USP9X: variants seen among roughly 807,000 people sequenced by gnomAD.
USP9X encodes ubiquitin carboxyl-terminal hydrolase 9X.
Under a neutral mutation model 190.3 loss-of-function variants are expected in USP9X, and 7 were observed. The observed-to-expected ratio is 0.04, with a 90% CI of 0.02 to 0.07. The LOEUF is 0.07. Among genes scored for constraint, USP9X ranks in the 10% least tolerant of loss-of-function variants. The pLI, the probability that USP9X is intolerant of heterozygous loss-of-function variation, is 1.00. For missense variants in USP9X, 1,010 were observed against 1,916.9 expected (o/e 0.53, Z 8.83); for synonymous variants, 645 against 659.5 (o/e 0.98, Z 0.34).
intron 2 of USP9X, among the ~76,000 whole-genome samples, chrX:41,127,462 T>G (rs1479145772): frequency 8.9e-6 from 1 of 112,319 alleles, no homozygotes; most frequent in African/African-American, 3.2e-5. Flanking sequence ...TAAATTTTAT[T>G]TTTTATATTT....
chrX:41,205,196 A>G (rs1198250602), intron 31 of USP9X, 107 bp from the exon 32 acceptor site: 7 of 598,601 alleles, frequency 1.2e-5, no homozygotes, highest in Non-Finnish European at 1.7e-5. Flanking sequence ...AGTGCTTTGG[A>G]AATGAGCATA....
intron 32 of USP9X, among the ~76,000 whole-genome samples, chrX:41,207,334 C>T (rs994159712): frequency 2.7e-5 from 3 of 109,838 alleles, no homozygotes; most frequent in Admixed American, 1.9e-4. Context: ...ATCCACCCGC[C>T]TCGGCCTCCC....
intron 26 of USP9X, among the ~76,000 whole-genome samples, chrX:41,193,613 C>G (rs2062956629): frequency 8.9e-6 from 1 of 111,766 alleles, no homozygotes; most frequent in African/African-American, 3.3e-5. Context: ...ACTGTGAGCC[C>G]TGATCGTGCC....
intron 11 of USP9X, among the ~76,000 whole-genome samples, 186 bp from the exon 12 acceptor site, chrX:41,148,183 C>CT (rs1406389067): frequency 9.0e-6 from 1 of 110,898 alleles, no homozygotes; most frequent in Non-Finnish European, 1.9e-5. Context: ...ATTTATTTTT[C>CT]TTTTTTGGAA....
chrX:41,195,054 T>TTTTTTTTTTTTTTTTG, intron 26 of USP9X, among the ~76,000 whole-genome samples: 3 of 109,411 alleles, frequency 2.7e-5, no homozygotes, highest in Admixed American at 9.9e-5. Context: ...TTCTTTTTTT[T>TTTTTTTTTTTTTTTTG]GGAGATGGAT....
intron 3 of USP9X, 25 bp from the exon 4 acceptor site, chrX:41,131,432 T>C: frequency 8.4e-7 from 1 of 1,189,450 alleles, no homozygotes; most frequent in African/African-American, 1.7e-5. Context: ...CCATTAAGCA[T>C]GTTTTTGTTT....
chrX:41,190,307 G>A (rs181071182), intron 26 of USP9X, among the ~76,000 whole-genome samples: 1 of 111,040 alleles, frequency 9.0e-6, no homozygotes, highest in East Asian at 2.8e-4. Flanking sequence ...GCCCACTCGA[G>A]AGGATGTAGA....
Position 41,215,950 on chromosome X carries a change from A to G in USP9X, c.5383A>G (p.Ile1795Val), listed in dbSNP as rs1325616456. 8.3e-7 allele frequency: 1 copy of G among 1,210,764 alleles called. No individual in the cohort carries two copies. Among genetic ancestry groups the G allele is most frequent in the Admixed American group, 2.2e-5 (1 of 45,878 alleles). Reference sequence around the variant, plus strand: ...TAAAAAATTACCTCCTGTTCTTGCTATACAACTAAAGCGATTTGACTATGA... The same window carrying G: ...TAAAAAATTACCTCCTGTTCTTGCTGTACAACTAAAGCGATTTGACTATGA... ...LIKKLPPVLA[I>V]QLKRFDYDWE... is the part of the protein sequence containing the mutation. The change falls in exon 35 of 45, where the codon ATA becomes GTA. Residue 1795 changes from isoleucine to valine, a missense_variant. Transcript: ENST00000378308.
intron 14 of USP9X, among the ~76,000 whole-genome samples, chrX:41,161,635 C>CTTTTTTTTTTTTTTTTTTTTTTTTTTTTT (rs759623425): frequency 8.4e-5 from 4 of 47,406 alleles, no homozygotes; most frequent in East Asian, 1.5e-3. Flanking sequence ...GGCGCCCTGC[C>CTTTTTTTTTTTTTTTTTTTTTTTTTTTTT]TTTTTTTTTT....
chrX:41,087,311 T>C (rs917889660), intron 1 of USP9X, among the ~76,000 whole-genome samples: 1 of 112,040 alleles, frequency 8.9e-6, no homozygotes, highest in Non-Finnish European at 1.9e-5. Context: ...GTGCATTGAT[T>C]AGGAAACTTT....
At chrX:41,155,764 A>G (rs1164963089) in intron 14 of USP9X, among the ~76,000 whole-genome samples, 1 of 111,995 alleles carries the variant, frequency 8.9e-6, no homozygotes, top group Non-Finnish European at 1.9e-5. Flanking sequence ...AAAAATAATT[A>G]CATACTATCC....
chrX:41,140,871 A>G, intron 7 of USP9X, 95 bp from the exon 8 acceptor site: 1 of 1,089,922 alleles, frequency 9.2e-7, no homozygotes, highest in South Asian at 2.4e-5. Flanking sequence ...TCAACTAATA[A>G]CTGGGATTTT....
At chrX:41,222,495 A>G (rs1426614549) in intron 38 of USP9X, among the ~76,000 whole-genome samples, 1 of 111,943 alleles carries the variant, frequency 8.9e-6, no homozygotes, top group Non-Finnish European at 1.9e-5. Flanking sequence ...GCTGTAGAGG[A>G]AAGAAGAGAG....
At chrX:41,091,198 G>C (rs1392935413) in intron 1 of USP9X, among the ~76,000 whole-genome samples, 1 of 56,902 alleles carries the variant, frequency 1.8e-5, no homozygotes, top group Non-Finnish European at 3.5e-5. Flanking sequence ...TATGCCAATT[G>C]AATTTTTTTT....
intron 32 of USP9X, among the ~76,000 whole-genome samples, chrX:41,208,610 C>T (rs750691926): frequency 4.5e-5 from 5 of 111,712 alleles, no homozygotes; most frequent in Non-Finnish European, 9.4e-5. Context: ...ATTCTTTATG[C>T]GGTTTTACTA....
At chrX:41,196,528 G>C in intron 27 of USP9X, 64 bp from the exon 28 acceptor site, 1 of 1,171,738 alleles carries the variant, frequency 8.5e-7, no homozygotes, top group African/African-American at 1.8e-5. Context: ...TTAACTCTGG[G>C]TTTTTAAAAA....
chrX:41,218,281 T>C, intron 36 of USP9X, 91 bp from the exon 37 acceptor site: 1 of 890,201 alleles, frequency 1.1e-6, no homozygotes, highest in South Asian at 2.4e-5. Context: ...AAGATCTTTG[T>C]CTTTTTTTTT....
At chrX:41,222,078 G>C (rs994037547) in intron 38 of USP9X, among the ~76,000 whole-genome samples, 1 of 111,787 alleles carries the variant, frequency 8.9e-6, no homozygotes, top group African/African-American at 3.3e-5. Flanking sequence ...GGTGAGTTCA[G>C]TTTGGGTAGA....
chrX:41,125,684 A>ACACACACTCTCTCTCT, intron 2 of USP9X, among the ~76,000 whole-genome samples: 19 of 19,009 alleles, frequency 1.0e-3, no homozygotes, highest in South Asian at 3.7e-3. Flanking sequence ...ACACACACAC[A>ACACACACTCTCTCTCT]CTCTCTCTCT....
Sources: gnomAD v4.1 joint callset for allele counts (sites outside exome capture counted in the v4.1 genomes callset) on GRCh38, gnomAD v4.1.1 for gene constraint, MANE v1.5 for transcripts, NCBI Gene and HGNC (gene_info 2026-07-23, HGNC 2026-07-21) for gene names.